RBMS3: variants seen among roughly 807,000 people sequenced by gnomAD.
RBMS3 encodes the protein RNA binding motif single stranded interacting protein 3.
RBMS3 carries 27 observed loss-of-function variants against 66.8 expected under a neutral mutation model. The ratio of observed to expected loss-of-function variants is 0.40; its 90% CI spans 0.30 to 0.56. The LOEUF is 0.56. RBMS3 is among the 20% of genes least tolerant of loss of function. The probability of loss-of-function intolerance (pLI) is 0.40; values close to 1 mark genes in which losing one functional copy is unlikely to be tolerated. For missense variants in RBMS3, 513 were observed against 549.5 expected, an observed-to-expected ratio of 0.93 and a Z score of 0.66; for synonymous variants, 188 against 183.0, an observed-to-expected ratio of 1.03 and a Z score of -0.22.
chr3:29,717,006 A>C (rs984361423), intron 4 of RBMS3, among the ~76,000 whole-genome samples: 2 of 152,008 alleles, frequency 1.3e-5, no homozygotes, highest in African/African-American at 2.4e-5. Flanking sequence ...TTTTGGGAGT[A>C]GCACAAGCTA....
At chr3:29,692,515 G>A (rs563643475) in intron 4 of RBMS3, among the ~76,000 whole-genome samples, 34 of 152,214 alleles carry the variant, frequency 2.2e-4, no homozygotes, top group Non-Finnish European at 3.5e-4. Flanking sequence ...CAACAGAACC[G>A]TAGAAAAAGT....
At chr3:29,753,962 CTT>C (rs1162238613) in intron 5 of RBMS3, among the ~76,000 whole-genome samples, 6 of 145,494 alleles carry the variant, frequency 4.1e-5, no homozygotes, top group African/African-American at 7.5e-5. Flanking sequence ...TTGAAAAACT[CTT>C]TTTTTTTTTT....
At chr3:29,792,906 C>T (rs2057058484) in intron 6 of RBMS3, among the ~76,000 whole-genome samples, 2 of 152,002 alleles carry the variant, frequency 1.3e-5, no homozygotes, top group Non-Finnish European at 2.9e-5. Context: ...ACATGACATC[C>T]AAGTTAAGAC....
intron 2 of RBMS3, among the ~76,000 whole-genome samples, chr3:29,464,419 TC>T (rs1467222908): frequency 6.6e-6 from 1 of 152,174 alleles, no homozygotes; most frequent in Non-Finnish European, 1.5e-5. Flanking sequence ...CCTTCTTTTT[TC>T]CCTAGTACCT....
intron 1 of RBMS3, among the ~76,000 whole-genome samples, chr3:29,384,715 C>G (rs6774444): frequency 0.92 from 140,610 of 152,220 alleles, 65,031 homozygotes; most frequent in East Asian, 1. Flanking sequence ...AGAGACATGA[C>G]TGTTTCAGAG....
intron 3 of RBMS3, among the ~76,000 whole-genome samples, chr3:29,520,855 A>G (rs1002302887): frequency 4.6e-5 from 7 of 152,122 alleles, no homozygotes; most frequent in African/African-American, 1.4e-4. Context: ...ATAGACACCT[A>G]ATTTGGAAGG....
intron 1 of RBMS3, among the ~76,000 whole-genome samples, chr3:29,431,582 C>T (rs926361102): frequency 3.4e-4 from 52 of 151,938 alleles, no homozygotes; most frequent in South Asian, 8.3e-4. Flanking sequence ...TGAGCCACCG[C>T]GCCCAGCCAA....
chr3:29,650,295 T>C (rs1270792759), intron 4 of RBMS3, among the ~76,000 whole-genome samples: 2 of 148,980 alleles, frequency 1.3e-5, no homozygotes, highest in African/African-American at 5.0e-5. Flanking sequence ...TTTTTTTTTT[T>C]TTTTCTGAGA....
At chr3:29,403,971 C>T (rs926656747) in intron 1 of RBMS3, among the ~76,000 whole-genome samples, 1 of 151,988 alleles carries the variant, frequency 6.6e-6, no homozygotes. Flanking sequence ...ACATTCTTCT[C>T]GAGTGGATTA....
intron 6 of RBMS3, among the ~76,000 whole-genome samples, chr3:29,792,298 A>C (rs1401756804): frequency 6.6e-6 from 1 of 152,206 alleles, no homozygotes; most frequent in African/African-American, 2.4e-5. Flanking sequence ...AGTTATCAAA[A>C]GGTAGGTACT....
At chr3:29,505,494 G>A (rs1576041647) in intron 3 of RBMS3, among the ~76,000 whole-genome samples, 1 of 138,452 alleles carries the variant, frequency 7.2e-6, no homozygotes, top group African/African-American at 2.7e-5. Context: ...GTAGTGTGAT[G>A]CCTTCAATTT....
At position 30,004,512 on chromosome 3, in the gene RBMS3, A is replaced by C. The variant is rs917518945; in HGVS notation, c.*650A>C. On this transcript the variant is annotated 3_prime_UTR_variant, in exon 15 of 15. Coordinates refer to ENST00000383767, the MANE Select transcript of RBMS3 (RefSeq NM_001003793.3). ...ACTGGCACAGAAGTTTAAGACTATG[A>C]GTTTTTAGGGTGAAGAAAAAACTGT... The C allele has an allele frequency of 6.6e-6, 1 of 152,198 alleles. No individual in the cohort carries two copies. The highest frequency in any genetic ancestry group is 1.9e-4 in the East Asian group (1 of 5,182). 9.4% of individuals were successfully genotyped at this position (152,198 alleles called of 1,614,324 possible).
intron 6 of RBMS3, among the ~76,000 whole-genome samples, chr3:29,838,343 T>C (rs142654939): frequency 1.5e-3 from 227 of 151,804 alleles, no homozygotes; most frequent in South Asian, 6.5e-3. Context: ...TGTCCAAAAA[T>C]AAATAAAATA....
chr3:29,698,293 A>T, intron 4 of RBMS3: 1 of 985,450 alleles, frequency 1.0e-6, no homozygotes, highest in Non-Finnish European at 1.2e-6. Context: ...GTCCCTGGTG[A>T]GGGAGGCAAA....
At chr3:29,755,673 T>C (rs1316419869) in intron 5 of RBMS3, among the ~76,000 whole-genome samples, 1 of 152,162 alleles carries the variant, frequency 6.6e-6, no homozygotes, top group Non-Finnish European at 1.5e-5. Flanking sequence ...TTGGAAGGAC[T>C]GTAGACAGGG....
chr3:29,945,329 C>A (rs1048154056), intron 12 of RBMS3, among the ~76,000 whole-genome samples: 1 of 151,586 alleles, frequency 6.6e-6, no homozygotes, highest in Non-Finnish European at 1.5e-5. Context: ...TTTTTAATTT[C>A]TTATAGCCTT....
chr3:29,423,425 A>G (rs2040827872), intron 1 of RBMS3, among the ~76,000 whole-genome samples: 1 of 152,216 alleles, frequency 6.6e-6, no homozygotes, highest in African/African-American at 2.4e-5. Context: ...CAGTTGAAAG[A>G]GAGGTTTTAT....
At chr3:29,318,956 G>A (rs1209298844) in intron 1 of RBMS3, among the ~76,000 whole-genome samples, 1 of 151,872 alleles carries the variant, frequency 6.6e-6, no homozygotes, top group Non-Finnish European at 1.5e-5. Context: ...GAACAAGTGG[G>A]ATTTCAGTTA....
chr3:29,700,108 T>C (rs924197146), intron 4 of RBMS3, among the ~76,000 whole-genome samples: 1 of 152,234 alleles, frequency 6.6e-6, no homozygotes, highest in Non-Finnish European at 1.5e-5. Context: ...ACATCCCAAA[T>C]AAAGTCACAA....
Sources: allele counts gnomAD v4.1 joint callset (sites outside exome capture counted in the v4.1 genomes callset), GRCh38; gene constraint gnomAD v4.1.1; transcripts MANE v1.5; gene names NCBI Gene and HGNC (gene_info 2026-07-23, HGNC 2026-07-21).